Variants in UNC13C observed in about 807,000 individuals in gnomAD.
The protein encoded by UNC13C is unc-13 homolog C.
A neutral mutation model predicts 245.4 loss-of-function variants in UNC13C; 174 were observed. The observed-to-expected ratio is 0.71, with a 90% confidence interval of 0.63 to 0.80. The LOEUF (loss-of-function observed/expected upper bound fraction) is 0.80. Among genes scored for constraint, UNC13C ranks in the 30% least tolerant of loss-of-function variants. The probability of loss-of-function intolerance (pLI) is 0.00; values close to 1 mark genes in which losing one functional copy is unlikely to be tolerated. For synonymous variants in UNC13C, 992 were observed against 895.1 expected, an observed-to-expected ratio of 1.11 and a Z score of -1.93; for missense variants, 2,829 against 2,602.9, an observed-to-expected ratio of 1.09 and a Z score of -1.89.
intron 19 of UNC13C, among the ~76,000 whole-genome samples, chr15:54,474,141 T>C (rs1409924101): frequency 6.6e-6 from 1 of 152,058 alleles, no homozygotes; most frequent in Non-Finnish European, 1.5e-5. Context: ...GGTATTTCTT[T>C]TATATATTGA....
In UNC13C at chr15:54,022,464, C is replaced by T. The variant is rs188043471; in HGVS notation, c.2983+6578C>T. The stretch of plus-strand genomic sequence containing the variant: ...CTGGGATTACAAGCAAAAGCCACCC[C>T]AGCCCAGCCTCTTTGTGGTTTTAAT... On this transcript the variant is annotated intron_variant, in intron 2 of 32. Coordinates refer to ENST00000260323, the MANE Select transcript of UNC13C (RefSeq NM_001080534.3). Among the ~76,000 whole-genome samples the T allele has an allele frequency of 1.2e-3, 183 of 152,232 alleles. 1 individual carries two copies. The highest frequency in any genetic ancestry group is 4.3e-3 in the African/African-American group (178 of 41,550).
intron 19 of UNC13C, among the ~76,000 whole-genome samples, chr15:54,455,390 T>C (rs1326535387): frequency 6.6e-6 from 1 of 151,208 alleles, no homozygotes; most frequent in Non-Finnish European, 1.5e-5. Flanking sequence ...GACGGATTGC[T>C]GGATCAAATG....
intron 2 of UNC13C, among the ~76,000 whole-genome samples, chr15:54,051,346 G>T (rs908341650): frequency 6.6e-6 from 1 of 152,056 alleles, no homozygotes; most frequent in African/African-American, 2.4e-5. Flanking sequence ...AGAGTGTCTT[G>T]ACACTCATTA....
intron 2 of UNC13C, among the ~76,000 whole-genome samples, chr15:54,056,920 C>T (rs978916517): frequency 6.6e-5 from 10 of 152,182 alleles, no homozygotes; most frequent in Middle Eastern, 3.4e-3. Context: ...TGAGAGATTT[C>T]GTCACCACCA....
At chr15:54,467,213 T>G (rs1892222975) in intron 19 of UNC13C, among the ~76,000 whole-genome samples, 1 of 151,842 alleles carries the variant, frequency 6.6e-6, no homozygotes, top group Admixed American at 6.6e-5. Flanking sequence ...AACATAAATT[T>G]AAATAACTCA....
At chr15:54,176,827 G>A (rs1348844993) in intron 4 of UNC13C, among the ~76,000 whole-genome samples, 2 of 151,940 alleles carry the variant, frequency 1.3e-5, no homozygotes, top group Non-Finnish European at 2.9e-5. Flanking sequence ...CTTGCTCTAT[G>A]GAACAAAAAG....
intron 19 of UNC13C, among the ~76,000 whole-genome samples, chr15:54,430,200 AT>A (rs1480681199): frequency 1.3e-5 from 2 of 151,594 alleles, no homozygotes; most frequent in East Asian, 3.9e-4. Flanking sequence ...TATTCATTCT[AT>A]TTTTTAAGTT....
chr15:54,433,591 A>G (rs1179749587), intron 19 of UNC13C, among the ~76,000 whole-genome samples: 4 of 152,082 alleles, frequency 2.6e-5, no homozygotes, highest in African/African-American at 4.8e-5. Flanking sequence ...TCTCAAAATA[A>G]TAAGAGCTAT....
At chr15:54,138,064 T>C (rs895467479) in intron 2 of UNC13C, among the ~76,000 whole-genome samples, 4 of 152,296 alleles carry the variant, frequency 2.6e-5, no homozygotes, top group South Asian at 2.1e-4. Flanking sequence ...CTTTGACCCA[T>C]TGGTTCTTCA....
At chr15:54,212,543 GC>G (rs750582019) in intron 4 of UNC13C, among the ~76,000 whole-genome samples, 7 of 151,936 alleles carry the variant, frequency 4.6e-5, no homozygotes, top group Admixed American at 2.0e-4. Context: ...ACAATACCGT[GC>G]TCCTTGTGGG....
At chr15:54,048,205 A>G (rs1320214839) in intron 2 of UNC13C, among the ~76,000 whole-genome samples, 1 of 152,138 alleles carries the variant, frequency 6.6e-6, no homozygotes, top group East Asian at 1.9e-4. Context: ...CTCTTACTGG[A>G]TTGGCTGCTT....
chr15:54,070,407 T>C (rs1898264810), intron 2 of UNC13C, among the ~76,000 whole-genome samples: 1 of 152,084 alleles, frequency 6.6e-6, no homozygotes, highest in South Asian at 2.1e-4. Context: ...AATATGTAAG[T>C]GCTACAGGGG....
At chr15:54,394,237 C>T (rs933712455) in intron 18 of UNC13C, among the ~76,000 whole-genome samples, 1 of 151,862 alleles carries the variant, frequency 6.6e-6, no homozygotes, top group African/African-American at 2.4e-5. Flanking sequence ...TTTCAACAGT[C>T]CCCCAATTCC....
At chr15:54,411,498 T>C (rs558422026) in intron 18 of UNC13C, among the ~76,000 whole-genome samples, 62 of 152,302 alleles carry the variant, frequency 4.1e-4, no homozygotes, top group Non-Finnish European at 5.6e-4. Context: ...TGTGGTCCTT[T>C]TTGAGTTAAA....
intron 18 of UNC13C, among the ~76,000 whole-genome samples, chr15:54,400,359 G>T (rs2040156904): frequency 6.6e-6 from 1 of 151,924 alleles, no homozygotes; most frequent in Non-Finnish European, 1.5e-5. Flanking sequence ...TACTAGTTAA[G>T]TCCCCCCTCC....
chr15:54,265,507 A>G lies in UNC13C; in HGVS notation c.3818+11A>G. The G allele has an allele frequency of 6.6e-7, 1 of 1,511,996 alleles. No individual in the cohort carries two copies. Among genetic ancestry groups the G allele is most frequent in the Non-Finnish European group, 8.9e-7 (1 of 1,123,044 alleles). 93.7% of individuals were successfully genotyped at this position (1,511,996 alleles called of 1,614,324 possible). A position where few individuals can be genotyped will look rare whatever the true frequency, so the allele number is the denominator to read the frequency against. ...TGAGAAGTTTTATTTGTGAGTATAT[A>G]ATGTGAAACCTTTACAAATATTAAA... On this transcript the variant is annotated intron_variant, in intron 10 of 32. Coordinates refer to ENST00000260323, the MANE Select transcript of UNC13C (RefSeq NM_001080534.3).
At chr15:54,063,059 T>C (rs1022448410) in intron 2 of UNC13C, among the ~76,000 whole-genome samples, 1 of 152,188 alleles carries the variant, frequency 6.6e-6, no homozygotes, top group African/African-American at 2.4e-5. Context: ...AGAAAACCTG[T>C]GGTATTTGGT....
At chr15:54,521,477 T>C (rs1895213447) in intron 24 of UNC13C, among the ~76,000 whole-genome samples, 1 of 152,232 alleles carries the variant, frequency 6.6e-6, no homozygotes, top group Non-Finnish European at 1.5e-5. Context: ...TTTAAATGAC[T>C]TTTAAATGAC....
At chr15:54,548,832 A>G (rs955282381) in intron 27 of UNC13C, among the ~76,000 whole-genome samples, 4 of 152,184 alleles carry the variant, frequency 2.6e-5, no homozygotes, top group African/African-American at 9.6e-5. Flanking sequence ...CATTAAATAA[A>G]TATTCTTTGA....
Sources: gnomAD v4.1 joint callset for allele counts (sites outside exome capture counted in the v4.1 genomes callset) on GRCh38, gnomAD v4.1.1 for gene constraint, MANE v1.5 for transcripts, NCBI Gene and HGNC (gene_info 2026-07-23, HGNC 2026-07-21) for gene names.